UBE3D: variants seen among roughly 807,000 people sequenced by gnomAD.
UBE3D encodes E3 ubiquitin-protein ligase E3D.
UBE3D carries 48 observed loss-of-function variants against 49.6 expected under a neutral mutation model. The observed-to-expected ratio is 0.97, with a 90% CI of 0.77 to 1.23. The LOEUF is 1.23. Among genes scored for constraint, UBE3D ranks in the 50% most tolerant of loss-of-function variants. The pLI is 0.00. For synonymous variants in UBE3D, 189 were observed against 174.2 expected (o/e 1.08, Z -0.67); for missense variants, 452 against 468.4 (o/e 0.96, Z 0.32).
At chr6:82,882,594 G>T in the UBE3D span, among the ~76,000 whole-genome samples, 1 of 152,278 alleles carries the variant, frequency 6.6e-6, no homozygotes. Context: ...GACTGGAAAA[G>T]ACATTGTTCT....
At position 83,021,798 on chromosome 6, in the gene UBE3D, G is replaced by A. The variant is rs542493196; in HGVS notation, c.846+655C>T. On this transcript the variant is annotated intron_variant, in intron 7 of 9. Transcript: ENST00000369747. ...GCAGAAGAATGGCATGAACCCAGGA[G>A]GCTGAGCTTGCAGTGAGCTGAGATC... Among the ~76,000 whole-genome samples the A allele has an allele frequency of 3.2e-4, 48 of 152,088 alleles. 1 individual carries two copies. In the South Asian group the frequency reaches 9.3e-3, roughly 30 times the overall value.
chr6:82,884,571 C>T, the UBE3D span, among the ~76,000 whole-genome samples: 4 of 152,136 alleles, frequency 2.6e-5, no homozygotes. Context: ...GCTCCATACA[C>T]ACAGGTTACT....
rs371704727 is a variant in UBE3D, at chr6:82,935,097, T to C, written c.1149+22215A>G. Among the ~76,000 whole-genome samples the C allele has an allele frequency of 1.4e-4, 21 of 150,818 alleles. No homozygotes were observed. The East Asian group carries it at 1.4e-3, about 10-fold the overall frequency. On this transcript the variant is annotated intron_variant, in intron 9 of 9. Coordinates refer to ENST00000369747, the MANE Select transcript of UBE3D (RefSeq NM_198920.3). ...AAATAAGAGAGGTTTAACTGGCTCA[T>C]GGTTCTGCAGGCTTTATAGGAAGCA...
At chr6:82,913,573 T>A (rs192210586) in intron 9 of UBE3D, among the ~76,000 whole-genome samples, 148 of 152,354 alleles carry the variant, frequency 9.7e-4, no homozygotes, top group African/African-American at 3.4e-3. Flanking sequence ...GTCACCATTA[T>A]CTTTTCCTCT....
At chr6:83,051,165 G>A (rs988163590) in intron 3 of UBE3D, among the ~76,000 whole-genome samples, 3 of 152,182 alleles carry the variant, frequency 2.0e-5, no homozygotes, top group African/African-American at 7.2e-5. Flanking sequence ...CTCTTGACAA[G>A]TTTGGAAAAT....
chr6:83,058,375 C>T (rs143478064), intron 1 of UBE3D, among the ~76,000 whole-genome samples: 286 of 152,230 alleles, frequency 1.9e-3, no homozygotes, highest in African/African-American at 6.6e-3. Flanking sequence ...AACAATGATA[C>T]AAGACAAAAA....
chr6:83,031,019 T>G (rs1781828660), intron 5 of UBE3D, among the ~76,000 whole-genome samples: 1 of 152,162 alleles, frequency 6.6e-6, no homozygotes, highest in Admixed American at 6.6e-5. Context: ...TTTCTTCCTT[T>G]TTTTTTGAAA....
At chr6:83,007,906 C>T (rs768003965) in intron 8 of UBE3D, among the ~76,000 whole-genome samples, 4 of 152,070 alleles carry the variant, frequency 2.6e-5, no homozygotes, top group Non-Finnish European at 5.9e-5. Flanking sequence ...GATTGACCCA[C>T]TACACTCCAG....
intron 8 of UBE3D, among the ~76,000 whole-genome samples, chr6:83,013,161 C>T (rs1430261427): frequency 1.3e-5 from 2 of 152,154 alleles, no homozygotes; most frequent in Non-Finnish European, 1.5e-5. Context: ...TGCAGGACCA[C>T]TTTATGGTTA....
At position 82,905,820 on chromosome 6, in the gene UBE3D, G is replaced by T. The variant is rs573122249; in HGVS notation, c.1150-12778C>A. Among the ~76,000 whole-genome samples the T allele has an allele frequency of 3.3e-5, 5 of 151,724 alleles. No individual in the cohort carries two copies. In the East Asian group the frequency reaches 5.8e-4, roughly 18 times the overall value. ...TAACAATCTGTAGTGTACTTAACTGGTTTTTTTTAGCTTATAAAAAATTTC... is the reference window on the plus strand; with the variant it reads ...TAACAATCTGTAGTGTACTTAACTGTTTTTTTTTAGCTTATAAAAAATTTC... On this transcript the variant is annotated intron_variant, in intron 9 of 9. Coordinates refer to ENST00000369747, the MANE Select transcript of UBE3D (RefSeq NM_198920.3).
At chr6:83,051,626 A>G (rs1328982237) in intron 3 of UBE3D, among the ~76,000 whole-genome samples, 3 of 152,222 alleles carry the variant, frequency 2.0e-5, no homozygotes, top group Non-Finnish European at 1.5e-5. Context: ...CGCCTAAAAT[A>G]GATTGAGAGA....
chr6:82,995,488 A>ACACACACACACACAC (rs1249638888), intron 8 of UBE3D, among the ~76,000 whole-genome samples: 1 of 129,016 alleles, frequency 7.8e-6, no homozygotes, highest in African/African-American at 3.0e-5. Flanking sequence ...TAATACTAAC[A>ACACACACACACACAC]ATCACACACA....
At chr6:82,910,625 C>G in intron 9 of UBE3D, among the ~76,000 whole-genome samples, 1 of 152,266 alleles carries the variant, frequency 6.6e-6, no homozygotes, top group Admixed American at 6.5e-5. Flanking sequence ...TCTGCAGAGA[C>G]GGCTGTCACA....
chr6:83,065,802 G>A lies in UBE3D; in HGVS notation c.-84C>T, dbSNP rs2127873480. 7.2e-7 allele frequency: 1 copy of A among 1,393,864 alleles called. No homozygotes were observed. The highest frequency in any genetic ancestry group is 9.9e-7 in the Non-Finnish European group (1 of 1,011,410). The allele number at this position is 1,393,864 out of a possible 1,614,324, so 86.3% of individuals were successfully genotyped here. ...AGGACCAGGAGAGGTTCCACGTGCG[G>A]ACCAACCAGCGGCAGCCCCGCTGCG... On this transcript the variant is annotated 5_prime_UTR_variant, in exon 1 of 10. Transcript: ENST00000369747.
chr6:82,962,778 C>T (rs531867052), intron 8 of UBE3D, among the ~76,000 whole-genome samples: 3 of 152,190 alleles, frequency 2.0e-5, no homozygotes, highest in South Asian at 2.1e-4. Flanking sequence ...ATTCCATGAA[C>T]AAGGCAAAAG....
intron 9 of UBE3D, among the ~76,000 whole-genome samples, chr6:82,925,947 C>T (rs1381526473): frequency 6.6e-6 from 1 of 152,124 alleles, no homozygotes; most frequent in Non-Finnish European, 1.5e-5. Flanking sequence ...TGGTTAAGTA[C>T]ATGATAGAAC....
At position 82,969,802 on chromosome 6, in the gene UBE3D, G is replaced by A. The variant is rs149601080; in HGVS notation, c.1011-12352C>T. Among the ~76,000 whole-genome samples the A allele has an allele frequency of 3.2e-3, 489 of 152,070 alleles. 2 individuals carry two copies. The highest frequency in any genetic ancestry group is 4.8e-3 in the Admixed American group (73 of 15,266). On this transcript the variant is annotated intron_variant, in intron 8 of 9. Coordinates refer to ENST00000369747, the MANE Select transcript of UBE3D (RefSeq NM_198920.3). ...TAATTTCAGTTAGAATCCCAAAAGG[G>A]TTGGTTTTCATCAGAACTGGATAAA...
intron 9 of UBE3D, among the ~76,000 whole-genome samples, chr6:82,953,017 C>T (rs1043814265): frequency 2.6e-5 from 4 of 152,214 alleles, no homozygotes; most frequent in African/African-American, 7.2e-5. Flanking sequence ...GACATCTTAC[C>T]TATATTTAAA....
At chr6:83,020,733 C>A (rs764234148) in intron 7 of UBE3D, among the ~76,000 whole-genome samples, 69 of 152,260 alleles carry the variant, frequency 4.5e-4, no homozygotes, top group Admixed American at 3.9e-3. Context: ...ATTAGAAAAG[C>A]ATAGTGTCCC....
Sources: gnomAD v4.1 joint callset for allele counts (sites outside exome capture counted in the v4.1 genomes callset) on GRCh38, gnomAD v4.1.1 for gene constraint, MANE v1.5 for transcripts, NCBI Gene and HGNC (gene_info 2026-07-23, HGNC 2026-07-21) for gene names.